The following JAZF1 variants were observed in gnomAD, a reference collection of about 807,000 sequenced individuals.
The protein encoded by JAZF1 is JAZF zinc finger 1.
In JAZF1, 8 loss-of-function variants were observed where a neutral mutation model predicts 26.4. That is an observed-to-expected ratio of 0.30 (90% CI 0.18 to 0.55). The LOEUF (loss-of-function observed/expected upper bound fraction) is 0.55, where lower values mean the gene tolerates loss of function less well. Ranked by LOEUF, JAZF1 falls within the 20% of genes least tolerant of loss-of-function variation. The pLI is 0.94. For synonymous variants in JAZF1, 126 were observed against 122.3 expected (o/e 1.03, Z -0.20); for missense variants, 199 against 322.0 (o/e 0.62, Z 2.92).
chr7:28,098,124 T>G (rs2127925876), intron 1 of JAZF1, among the ~76,000 whole-genome samples: 1 of 152,204 alleles, frequency 6.6e-6, no homozygotes, highest in South Asian at 2.1e-4. Flanking sequence ...AGTGAAGCCT[T>G]TGGGAGATGA....
At chr7:27,943,379 G>A (rs973091001) in intron 2 of JAZF1, among the ~76,000 whole-genome samples, 2 of 152,202 alleles carry the variant, frequency 1.3e-5, no homozygotes, top group East Asian at 1.9e-4. Context: ...TAGTGTAGAC[G>A]CCTCCGCTGC....
chr7:27,892,300 C>T (rs996816447), intron 3 of JAZF1, among the ~76,000 whole-genome samples: 2 of 152,196 alleles, frequency 1.3e-5, no homozygotes, highest in African/African-American at 4.8e-5. Context: ...GAAAATGATA[C>T]ATCTTTACCA....
At chr7:27,850,808 G>A (rs1487181184) in intron 3 of JAZF1, among the ~76,000 whole-genome samples, 1 of 148,286 alleles carries the variant, frequency 6.7e-6, no homozygotes, top group African/African-American at 2.5e-5. Flanking sequence ...CAGCTCTGAA[G>A]GACCATTTTT....
intron 2 of JAZF1, among the ~76,000 whole-genome samples, chr7:27,947,968 C>G (rs569479497): frequency 6.6e-6 from 1 of 152,052 alleles, no homozygotes; most frequent in South Asian, 2.1e-4. Context: ...TCTTATCTTA[C>G]ACTTAGGTCT....
chr7:28,121,608 A>C (rs148705425), intron 1 of JAZF1, among the ~76,000 whole-genome samples: 6 of 152,238 alleles, frequency 3.9e-5, no homozygotes, highest in Non-Finnish European at 7.3e-5. Flanking sequence ...CTGGTGCTCA[A>C]TACTGTTTCC....
chr7:27,995,355 T>C (rs1162884807), intron 1 of JAZF1, among the ~76,000 whole-genome samples: 1 of 152,212 alleles, frequency 6.6e-6, no homozygotes, highest in African/African-American at 2.4e-5. Context: ...AGCATTTCTA[T>C]AACATTGCTG....
In JAZF1 at chr7:27,921,531, G is replaced by C. The variant is rs552018851; in HGVS notation, c.189-26115C>G. On this transcript the variant is annotated intron_variant, in intron 2 of 4. Transcript: ENST00000283928. Reference sequence around the variant, plus strand: ...AAGAAATATGTTTGTCATAAGGGCAGACTGGCATCGATTCTTCCAGAAGAC... The same window carrying C: ...AAGAAATATGTTTGTCATAAGGGCACACTGGCATCGATTCTTCCAGAAGAC... 3.3e-5 allele frequency among the ~76,000 whole-genome samples: 5 copies of C among 152,286 alleles called. No homozygotes were observed. In the South Asian group the frequency reaches 8.3e-4, roughly 25 times the overall value.
chr7:28,031,800 G>A (rs1783198325), intron 1 of JAZF1, among the ~76,000 whole-genome samples: 1 of 152,132 alleles, frequency 6.6e-6, no homozygotes, highest in African/African-American at 2.4e-5. Flanking sequence ...CTGAGTGATG[G>A]GTTGATAGGT....
chr7:28,179,421 C>G lies in JAZF1; in HGVS notation c.115+1042G>C, dbSNP rs903246638. On this transcript the variant is annotated intron_variant, in intron 1 of 4. Coordinates refer to ENST00000283928, the MANE Select transcript of JAZF1 (RefSeq NM_175061.4). ...GAAAGCAGCCACCCTGCGGGGCGCC[C>G]CCTCCCCGGCGTCTCCCGGGCCCGG... Among the ~76,000 whole-genome samples the G allele has an allele frequency of 1.1e-4, 16 of 152,284 alleles. No individual in the cohort carries two copies. The East Asian group carries it at 2.5e-3, about 24-fold the overall frequency.
At chr7:28,027,256 T>C (rs1365120392) in intron 1 of JAZF1, among the ~76,000 whole-genome samples, 2 of 152,160 alleles carry the variant, frequency 1.3e-5, no homozygotes, top group Non-Finnish European at 2.9e-5. Flanking sequence ...AGAAAATCCT[T>C]ATTTGTGCCT....
intron 4 of JAZF1, among the ~76,000 whole-genome samples, chr7:27,838,055 G>C (rs573276128): frequency 6.7e-6 from 1 of 149,672 alleles, no homozygotes; most frequent in South Asian, 2.1e-4. Context: ...TGCTTCCAGA[G>C]ACTCAAAGCC....
chr7:28,178,925 T>A lies in JAZF1; in HGVS notation c.115+1538A>T, dbSNP rs571307180. Among the ~76,000 whole-genome samples the A allele has an allele frequency of 1.7e-3, 257 of 152,360 alleles. 1 individual carries two copies. Among genetic ancestry groups the A allele is most frequent in the African/African-American group, 5.8e-3 (241 of 41,580 alleles). On this transcript the variant is annotated intron_variant, in intron 1 of 4. Transcript: ENST00000283928. ...GTAGACGTTTCCCATGATTATCTCCTATTCCGGATGGCCCATCAAATCACA... is the reference window on the plus strand; with the variant it reads ...GTAGACGTTTCCCATGATTATCTCCAATTCCGGATGGCCCATCAAATCACA...
intron 1 of JAZF1, among the ~76,000 whole-genome samples, chr7:28,048,076 G>C (rs1303119335): frequency 6.6e-6 from 1 of 152,116 alleles, no homozygotes; most frequent in Non-Finnish European, 1.5e-5. Context: ...AGAATTAGAT[G>C]GTTGGTTAGA....
At chr7:27,899,065 C>A (rs550544288) in intron 2 of JAZF1, among the ~76,000 whole-genome samples, 65 of 152,342 alleles carry the variant, frequency 4.3e-4, no homozygotes, top group African/African-American at 1.6e-3. Context: ...TGCTCCTCTT[C>A]CTCCTCCCTT....
intron 1 of JAZF1, among the ~76,000 whole-genome samples, chr7:28,024,028 G>C (rs1468826111): frequency 6.6e-6 from 1 of 152,050 alleles, no homozygotes; most frequent in Non-Finnish European, 1.5e-5. Flanking sequence ...GCTCATGCCT[G>C]ACATGCTAGC....
At chr7:27,999,058 G>A (rs1786080108) in intron 1 of JAZF1, among the ~76,000 whole-genome samples, 2 of 152,192 alleles carry the variant, frequency 1.3e-5, no homozygotes, top group Non-Finnish European at 2.9e-5. Context: ...GTCCACCCAA[G>A]CTCTCGCCTT....
chr7:28,109,984 T>C (rs547846311), intron 1 of JAZF1, among the ~76,000 whole-genome samples: 10 of 152,144 alleles, frequency 6.6e-5, no homozygotes, highest in Admixed American at 1.3e-4. Context: ...AAAGGTTACA[T>C]TACAAACTAC....
chr7:27,943,997 C>A (rs145623883), intron 2 of JAZF1, among the ~76,000 whole-genome samples: 2 of 152,160 alleles, frequency 1.3e-5, no homozygotes, highest in Non-Finnish European at 2.9e-5. Flanking sequence ...TTATTTTGTA[C>A]CACACTTCCC....
chr7:27,876,978 A>G (rs1783690874), intron 3 of JAZF1, among the ~76,000 whole-genome samples: 1 of 152,192 alleles, frequency 6.6e-6, no homozygotes, highest in Non-Finnish European at 1.5e-5. Context: ...TATGGTCTAG[A>G]CAAGAGGGTT....
Sources: gnomAD v4.1 joint callset for allele counts (sites outside exome capture counted in the v4.1 genomes callset) on GRCh38, gnomAD v4.1.1 for gene constraint, MANE v1.5 for transcripts, NCBI Gene and HGNC (gene_info 2026-07-23, HGNC 2026-07-21) for gene names.